CEP128: variants seen among roughly 807,000 people sequenced by gnomAD.
The protein encoded by CEP128 is centrosomal protein 128.
A neutral mutation model predicts 156.7 loss-of-function variants in CEP128; 132 were observed. The ratio of observed to expected loss-of-function variants is 0.84; its 90% confidence interval spans 0.73 to 0.97. The LOEUF (loss-of-function observed/expected upper bound fraction) is 0.97. Ranked by LOEUF, CEP128 falls within the 50% of genes least tolerant of loss-of-function variation. CEP128 has a pLI of 0.00. For missense variants in CEP128, 1,252 were observed against 1,281.9 expected, an observed-to-expected ratio of 0.98 and a Z score of 0.36; for synonymous variants, 469 against 448.9, an observed-to-expected ratio of 1.04 and a Z score of -0.57.
intron 19 of CEP128, among the ~76,000 whole-genome samples, chr14:80,715,538 T>C (rs920889011): frequency 2.6e-5 from 4 of 152,150 alleles, no homozygotes; most frequent in Non-Finnish European, 2.9e-5. Context: ...GTTCAAGTTA[T>C]TGAAGAAGGC....
intron 23 of CEP128, among the ~76,000 whole-genome samples, chr14:80,509,015 C>T (rs1316291301): frequency 6.6e-6 from 1 of 152,066 alleles, no homozygotes; most frequent in Non-Finnish European, 1.5e-5. Context: ...ACCTACTTCA[C>T]ATGGCACCAG....
chr14:80,716,429 G>T (rs542498305), intron 19 of CEP128, among the ~76,000 whole-genome samples: 8 of 152,146 alleles, frequency 5.3e-5, no homozygotes, highest in Admixed American at 2.6e-4. Context: ...TCTTAATGAT[G>T]ATATAGATAG....
intron 23 of CEP128, among the ~76,000 whole-genome samples, chr14:80,522,332 G>C (rs1043026837): frequency 1.3e-5 from 2 of 152,144 alleles, no homozygotes; most frequent in South Asian, 2.1e-4. Flanking sequence ...AGAGAGAAAT[G>C]AGTTCAAGGA....
chr14:80,477,749 A>C (rs1396921289), exon 15 of CEP128: 1 of 152,198 alleles, frequency 6.6e-6, no homozygotes, highest in Non-Finnish European at 1.5e-5. Context: ...TCTGTCTGTT[A>C]ATGATAGCGT....
intron 19 of CEP128, among the ~76,000 whole-genome samples, chr14:80,585,661 T>C (rs1208029796): frequency 1.3e-5 from 2 of 152,140 alleles, no homozygotes; most frequent in African/African-American, 4.8e-5. Context: ...ATATGTTGAG[T>C]TACTGATTGC....
intron 21 of CEP128, among the ~76,000 whole-genome samples, chr14:80,558,364 C>G (rs994700037): frequency 5.3e-5 from 8 of 152,052 alleles, no homozygotes; most frequent in African/African-American, 1.4e-4. Flanking sequence ...TCTCGGCTCA[C>G]GGCAACCTCT....
chr14:80,925,229 A>G (rs1181130837), intron 2 of CEP128, among the ~76,000 whole-genome samples: 1 of 152,050 alleles, frequency 6.6e-6, no homozygotes, highest in Non-Finnish European at 1.5e-5. Context: ...ATAGGGGTGG[A>G]TAAGACCACC....
chr14:80,745,986 A>C (rs1187530714), intron 18 of CEP128, among the ~76,000 whole-genome samples: 1 of 152,040 alleles, frequency 6.6e-6, no homozygotes, highest in Non-Finnish European at 1.5e-5. Flanking sequence ...AATAACATTA[A>C]GATAATCATA....
chr14:80,874,008 T>C (rs1240075104), intron 8 of CEP128, among the ~76,000 whole-genome samples: 1 of 152,188 alleles, frequency 6.6e-6, no homozygotes, highest in Non-Finnish European at 1.5e-5. Flanking sequence ...TGTAAGTCCA[T>C]TAAACCTCTT....
At chr14:80,756,363 C>T (rs1737725199) in intron 18 of CEP128, among the ~76,000 whole-genome samples, 2 of 152,144 alleles carry the variant, frequency 1.3e-5, no homozygotes, top group African/African-American at 4.8e-5. Flanking sequence ...CAAAGGTAAA[C>T]TTTATCTTTC....
chr14:80,725,147 A>G lies in CEP128; in HGVS notation c.2806+17928T>C, dbSNP rs1444006754. Among the ~76,000 whole-genome samples, 3 of 148,446 alleles carry G rather than the reference A, an allele frequency of 2.0e-5. No individual in the cohort carries two copies. The East Asian group carries it at 5.9e-4, about 29-fold the overall frequency. ...ATTGGCAACTGGAATTCAATTCTCGAGTTTAGGTTTACTCTTTGTCATTCT... is the reference window on the plus strand; with the variant it reads ...ATTGGCAACTGGAATTCAATTCTCGGGTTTAGGTTTACTCTTTGTCATTCT... On this transcript the variant is annotated intron_variant, in intron 19 of 24. Coordinates refer to ENST00000555265, the MANE Select transcript of CEP128 (RefSeq NM_152446.5).
Position 80,756,876 on chromosome 14 carries a change from T to C in CEP128, c.2613+16A>G. 1 of 1,515,682 alleles carries C rather than the reference T, an allele frequency of 6.6e-7. No homozygotes were observed. Among genetic ancestry groups the C allele is most frequent in the Admixed American group, 1.7e-5 (1 of 58,298 alleles). 93.9% of individuals were successfully genotyped at this position (1,515,682 alleles called of 1,614,324 possible). On this transcript the variant is annotated intron_variant, in intron 18 of 24. Transcript: ENST00000555265. ...CATAAATATTACAATAACTTTAGGA[T>C]TTAAAGATTAATTACCTTGCTTTCT...
At chr14:80,824,796 T>C (rs1183176415) in intron 13 of CEP128, among the ~76,000 whole-genome samples, 1 of 152,204 alleles carries the variant, frequency 6.6e-6, no homozygotes, top group African/African-American at 2.4e-5. Flanking sequence ...TCCAAACTAT[T>C]CCAACCCCTG....
intron 16 of CEP128, among the ~76,000 whole-genome samples, chr14:80,769,484 C>T (rs1265070731): frequency 1.3e-5 from 2 of 151,976 alleles, no homozygotes; most frequent in African/African-American, 4.8e-5. Context: ...TCAGTTCCCA[C>T]CTATGAGTGA....
intron 4 of CEP128, among the ~76,000 whole-genome samples, chr14:80,910,350 G>A (rs1468813886): frequency 6.6e-6 from 1 of 152,156 alleles, no homozygotes; most frequent in African/African-American, 2.4e-5. Context: ...GTTGGAAGTG[G>A]AGCCTGGTGA....
intron 19 of CEP128, among the ~76,000 whole-genome samples, chr14:80,651,649 T>G (rs928730839): frequency 6.6e-6 from 1 of 152,182 alleles, no homozygotes; most frequent in East Asian, 1.9e-4. Flanking sequence ...ATAACTTAAT[T>G]ATTTCTGCCT....
chr14:80,750,793 A>G (rs968036268), intron 18 of CEP128, among the ~76,000 whole-genome samples: 5 of 152,114 alleles, frequency 3.3e-5, no homozygotes, highest in Admixed American at 2.0e-4. Context: ...ATCCCTCACA[A>G]AGTATTAGGT....
chr14:80,916,073 T>TCAA (rs1884534142), intron 3 of CEP128, among the ~76,000 whole-genome samples: 2 of 152,196 alleles, frequency 1.3e-5, no homozygotes, highest in African/African-American at 4.8e-5. Flanking sequence ...GAGAAGGGCT[T>TCAA]GACCCTTCCC....
At chr14:80,768,099 A>G (rs1371319777) in intron 16 of CEP128, among the ~76,000 whole-genome samples, 1 of 152,212 alleles carries the variant, frequency 6.6e-6, no homozygotes, top group Non-Finnish European at 1.5e-5. Context: ...TGTCAAGCAT[A>G]CAACCAATAC....
Sources: gnomAD v4.1 joint callset for allele counts (sites outside exome capture counted in the v4.1 genomes callset) on GRCh38, gnomAD v4.1.1 for gene constraint, MANE v1.5 for transcripts, NCBI Gene and HGNC (gene_info 2026-07-23, HGNC 2026-07-21) for gene names.